Variants in CHODL observed in about 807,000 individuals in gnomAD.
CHODL encodes the protein chondrolectin.
CHODL carries 29 observed loss-of-function variants against 34.5 expected under a neutral mutation model. The ratio of observed to expected loss-of-function variants is 0.84; its 90% CI spans 0.63 to 1.15. The LOEUF (loss-of-function observed/expected upper bound fraction) is 1.15, where lower values mean the gene tolerates loss of function less well. Among genes scored for constraint, CHODL ranks in the 50% most tolerant of loss-of-function variants. CHODL has a pLI of 0.00. For synonymous variants in CHODL, 125 were observed against 116.1 expected (o/e 1.08, Z -0.49); for missense variants, 332 against 332.5 (o/e 1.00, Z 0.01).
intron 1 of CHODL, among the ~76,000 whole-genome samples, chr21:18,013,000 C>A (rs901736968): frequency 2.6e-5 from 4 of 152,078 alleles, no homozygotes; most frequent in Non-Finnish European, 4.4e-5. Flanking sequence ...GTTGGAAGTT[C>A]TGGTAATTAT....
At chr21:18,090,609 G>C (rs1023642925) in intron 2 of CHODL, among the ~76,000 whole-genome samples, 3 of 151,338 alleles carry the variant, frequency 2.0e-5, no homozygotes, top group African/African-American at 4.9e-5. Flanking sequence ...CTAAACTAAA[G>C]TGGAGGAAGT....
chr21:17,927,699 C>T (rs191798456), intron 1 of CHODL, among the ~76,000 whole-genome samples: 6 of 152,278 alleles, frequency 3.9e-5, no homozygotes, highest in Admixed American at 2.6e-4. Flanking sequence ...GAGGGAGGTA[C>T]GAGTGGGCCA....
At chr21:18,094,287 A>G (rs1370380643) in intron 2 of CHODL, among the ~76,000 whole-genome samples, 1 of 152,166 alleles carries the variant, frequency 6.6e-6, no homozygotes, top group Non-Finnish European at 1.5e-5. Flanking sequence ...TTCAACACCT[A>G]CATTCCACAT....
intron 2 of CHODL, among the ~76,000 whole-genome samples, chr21:18,062,623 C>T (rs569487845): frequency 2.6e-5 from 4 of 152,036 alleles, no homozygotes; most frequent in Admixed American, 1.3e-4. Flanking sequence ...AAAATTAGCC[C>T]GATGTGGTGG....
At chr21:17,986,261 AC>A (rs2063752584) in intron 1 of CHODL, among the ~76,000 whole-genome samples, 3 of 152,130 alleles carry the variant, frequency 2.0e-5, no homozygotes, top group African/African-American at 7.2e-5. Flanking sequence ...GGTTTGCTGC[AC>A]CCATCAACCC....
intron 1 of CHODL, among the ~76,000 whole-genome samples, chr21:17,998,003 C>A (rs933726325): frequency 6.6e-6 from 1 of 152,206 alleles, no homozygotes. Context: ...AGTCCACAGT[C>A]CAAAGTCTCA....
intron 2 of CHODL, among the ~76,000 whole-genome samples, chr21:18,231,563 T>A (rs149283139): frequency 3.5e-4 from 54 of 152,256 alleles, no homozygotes; most frequent in Non-Finnish European, 6.8e-4. Flanking sequence ...GTGGCTTGCC[T>A]TGCATTGTTT....
At chr21:17,935,180 T>C (rs1357553347) in intron 1 of CHODL, among the ~76,000 whole-genome samples, 1 of 152,238 alleles carries the variant, frequency 6.6e-6, no homozygotes, top group Admixed American at 6.5e-5. Flanking sequence ...CTAGTATTTC[T>C]TGAGGGTTTC....
At chr21:17,936,168 G>A (rs190468411) in intron 1 of CHODL, among the ~76,000 whole-genome samples, 4 of 152,236 alleles carry the variant, frequency 2.6e-5, no homozygotes, top group Admixed American at 2.6e-4. Flanking sequence ...ACACTGGTTG[G>A]CAGGCAATTT....
intron 1 of CHODL, among the ~76,000 whole-genome samples, chr21:18,249,058 A>G (rs1490432930): frequency 8.6e-5 from 10 of 116,736 alleles, no homozygotes; most frequent in Admixed American, 6.1e-4. Context: ...TATATTATAT[A>G]TAATTTACTA....
intron 1 of CHODL, among the ~76,000 whole-genome samples, chr21:18,247,821 A>T (rs1359650518): frequency 2.6e-5 from 4 of 152,020 alleles, no homozygotes; most frequent in Non-Finnish European, 4.4e-5. Flanking sequence ...TGGGAGCTGC[A>T]ATCATTTAAT....
At chr21:18,006,485 C>T (rs1227975138) in intron 1 of CHODL, among the ~76,000 whole-genome samples, 1 of 152,190 alleles carries the variant, frequency 6.6e-6, no homozygotes, top group Non-Finnish European at 1.5e-5. Context: ...TGATACCTTT[C>T]CTCCCTCACA....
intron 2 of CHODL, among the ~76,000 whole-genome samples, chr21:18,110,219 GC>G (rs1330095666): frequency 1.3e-5 from 2 of 152,160 alleles, no homozygotes; most frequent in Non-Finnish European, 2.9e-5. Context: ...TATGGCATTG[GC>G]CTCATATCAT....
intron 1 of CHODL, among the ~76,000 whole-genome samples, chr21:17,959,509 A>G (rs576866373): frequency 1.3e-5 from 2 of 152,350 alleles, no homozygotes; most frequent in East Asian, 3.9e-4. Flanking sequence ...CTGATCATCA[A>G]TATTAACTTG....
chr21:18,012,630 T>C (rs986320426), intron 1 of CHODL, among the ~76,000 whole-genome samples: 6 of 152,230 alleles, frequency 3.9e-5, no homozygotes, highest in Non-Finnish European at 5.9e-5. Context: ...AAAACAGAGT[T>C]CTATTAAGTT....
chr21:18,245,925 G>T, intron 1 of CHODL: 1 of 1,535,694 alleles, frequency 6.5e-7, no homozygotes, highest in Non-Finnish European at 8.7e-7. Context: ...GTCAGCTGGA[G>T]TTGGGCCGAG....
chr21:18,127,181 G>GTT (rs377194814), intron 2 of CHODL, among the ~76,000 whole-genome samples: 15 of 150,956 alleles, frequency 9.9e-5, no homozygotes, highest in East Asian at 7.8e-4. Flanking sequence ...ATGGATATAT[G>GTT]TTTTTTTTTA....
intron 2 of CHODL, among the ~76,000 whole-genome samples, chr21:18,145,383 G>A (rs2072865970): frequency 7.4e-6 from 1 of 134,552 alleles, no homozygotes; most frequent in Non-Finnish European, 1.5e-5. Flanking sequence ...CTGGCAGTGA[G>A]CCAAGATCGC....
At chr21:18,073,396 A>G (rs1034353466) in intron 2 of CHODL, among the ~76,000 whole-genome samples, 3 of 152,142 alleles carry the variant, frequency 2.0e-5, no homozygotes, top group African/African-American at 7.2e-5. Context: ...AAATACATCA[A>G]TTGCAGTCTT....
Sources: allele counts gnomAD v4.1 joint callset (sites outside exome capture counted in the v4.1 genomes callset), GRCh38; gene constraint gnomAD v4.1.1; transcripts MANE v1.5; gene names NCBI Gene and HGNC (gene_info 2026-07-23, HGNC 2026-07-21).